The following THSD7A variants were observed in gnomAD, a reference collection of about 807,000 sequenced individuals.
THSD7A encodes thrombospondin type 1 domain containing 7A.
In THSD7A, 96 loss-of-function variants were observed where a neutral mutation model predicts 231.3. The observed-to-expected ratio is 0.41, with a 90% CI of 0.35 to 0.49. The LOEUF (loss-of-function observed/expected upper bound fraction) is 0.49. THSD7A is among the 20% of genes least tolerant of loss of function. The probability of loss-of-function intolerance (pLI) is 0.05; values close to 1 mark genes in which losing one functional copy is unlikely to be tolerated. For synonymous variants in THSD7A, 940 were observed against 743.3 expected (o/e 1.26, Z -4.30); for missense variants, 2,290 against 2,070.2 (o/e 1.11, Z -2.06).
chr7:11,543,050 A>G lies in THSD7A; in HGVS notation c.1521T>C (p.Ile507=). 6.2e-7 allele frequency: 1 copy of G among 1,613,928 alleles called. No individual in the cohort carries two copies. ...PIPNTTQLCH[I]PCPTECEVSP... Reference sequence around the variant, plus strand: ...AAACTTCACATTCAGTTGGACAAGGAATGTGGCACAGCTGTGTAGTATTAG... The same window carrying G: ...AAACTTCACATTCAGTTGGACAAGGGATGTGGCACAGCTGTGTAGTATTAG... The change falls in exon 5 of 28, where the codon ATT becomes ATC. Residue 507 remains isoleucine, a synonymous_variant. Coordinates refer to ENST00000423059, the MANE Select transcript of THSD7A (RefSeq NM_015204.3).
rs113989488 is a variant in THSD7A, at chr7:11,449,769, A to G, written c.2606-2345T>C. On this transcript the variant is annotated intron_variant, in intron 11 of 27. Transcript: ENST00000423059. ...GGAAGCAGGATTGACCCTTTCAGACACTCTAAACTTAGTAAGTGCCGATGG... is the reference window on the plus strand; with the variant it reads ...GGAAGCAGGATTGACCCTTTCAGACGCTCTAAACTTAGTAAGTGCCGATGG... Among the ~76,000 whole-genome samples the G allele has an allele frequency of 5.3e-3, 809 of 152,028 alleles. 6 individuals are homozygous for G. Among genetic ancestry groups the G allele is most frequent in the African/African-American group, 0.018 (766 of 41,498 alleles).
Position 11,768,413 on chromosome 7 carries a change from T to G in THSD7A, c.190+63344A>C, listed in dbSNP as rs111567609. 3.9e-3 allele frequency among the ~76,000 whole-genome samples: 591 copies of G among 152,288 alleles called. 2 individuals carry two copies. The highest frequency in any genetic ancestry group is 0.013 in the African/African-American group (556 of 41,558). ...TATATATAACAATTGGCATGCAATC[T>G]TTGTGGCAACATGGAGTCATTTAGA... On this transcript the variant is annotated intron_variant, in intron 1 of 27. Coordinates refer to ENST00000423059, the MANE Select transcript of THSD7A (RefSeq NM_015204.3).
intron 1 of THSD7A, among the ~76,000 whole-genome samples, chr7:11,704,099 C>A (rs959361782): frequency 6.6e-6 from 1 of 151,004 alleles, no homozygotes; most frequent in Non-Finnish European, 1.5e-5. Context: ...AACAAAGCAT[C>A]GAAAGTTCTC....
Position 11,756,592 on chromosome 7 carries a change from C to G in THSD7A, c.190+75165G>C, listed in dbSNP as rs967959546. Among the ~76,000 whole-genome samples, 4 of 147,630 alleles carry G rather than the reference C, an allele frequency of 2.7e-5. No homozygotes were observed. In the South Asian group the frequency reaches 8.5e-4, roughly 31 times the overall value. ...CGGGGACAGAAAGCAAATCACAGGA[C>G]AAGAAAAAAAAAATGTTCATTTAGT... On this transcript the variant is annotated intron_variant, in intron 1 of 27. Coordinates refer to ENST00000423059, the MANE Select transcript of THSD7A (RefSeq NM_015204.3).
chr7:11,493,351 A>G (rs943890974), intron 6 of THSD7A, among the ~76,000 whole-genome samples: 1 of 152,136 alleles, frequency 6.6e-6, no homozygotes, highest in Non-Finnish European at 1.5e-5. Context: ...AACAACGAGA[A>G]CAAAGATCTT....
At chr7:11,738,773 G>C (rs1583242732) in intron 1 of THSD7A, among the ~76,000 whole-genome samples, 2 of 151,978 alleles carry the variant, frequency 1.3e-5, no homozygotes, top group East Asian at 3.9e-4. Context: ...AGGTATGTAG[G>C]TGGCCTCTGG....
intron 6 of THSD7A, among the ~76,000 whole-genome samples, chr7:11,524,361 A>T (rs1026657897): frequency 6.6e-6 from 1 of 152,166 alleles, no homozygotes; most frequent in Non-Finnish European, 1.5e-5. Flanking sequence ...CTAGTACAAC[A>T]GAGCTTGGTA....
intron 1 of THSD7A, among the ~76,000 whole-genome samples, chr7:11,739,720 C>A (rs1044364718): frequency 6.6e-6 from 1 of 151,868 alleles, no homozygotes; most frequent in Admixed American, 6.6e-5. Flanking sequence ...AGCACCCAGC[C>A]TCATCATCAT....
At chr7:11,463,048 C>T (rs181822952) in intron 9 of THSD7A, among the ~76,000 whole-genome samples, 12 of 152,214 alleles carry the variant, frequency 7.9e-5, no homozygotes, top group Admixed American at 3.9e-4. Flanking sequence ...TAGAATCCTC[C>T]TGATGCATTT....
chr7:11,812,092 GAAGAA>G (rs1784543205), intron 1 of THSD7A, among the ~76,000 whole-genome samples: 1 of 148,006 alleles, frequency 6.8e-6, no homozygotes, highest in Non-Finnish European at 1.5e-5. Flanking sequence ...CTATAAAGGA[GAAGAA>G]AAGAAAATTG....
At chr7:11,436,187 A>G (rs1184395681) in intron 13 of THSD7A, among the ~76,000 whole-genome samples, 1 of 152,072 alleles carries the variant, frequency 6.6e-6, no homozygotes, top group Non-Finnish European at 1.5e-5. Context: ...GGGCTTTGTC[A>G]GGAATACAAA....
chr7:11,567,261 A>AC lies in THSD7A; in HGVS notation c.1453+23198dup, dbSNP rs200804726. On this transcript the variant is annotated intron_variant, in intron 4 of 27. Coordinates refer to ENST00000423059, the MANE Select transcript of THSD7A (RefSeq NM_015204.3). Reference sequence around the variant, plus strand: ...GTGGAAGGTGAAGAGGAAGCAAGACACTTCCCCCTCAAGGCAGCAGAAAAG... The same window carrying AC: ...GTGGAAGGTGAAGAGGAAGCAAGACACCTTCCCCCTCAAGGCAGCAGAAAAG... 2.9e-3 allele frequency among the ~76,000 whole-genome samples: 446 copies of AC among 151,692 alleles called. 5 individuals are homozygous for AC. Among genetic ancestry groups the AC allele is most frequent in the African/African-American group, 0.01 (415 of 41,358 alleles).
At chr7:11,568,267 G>C (rs181636779) in intron 4 of THSD7A, among the ~76,000 whole-genome samples, 143 of 152,240 alleles carry the variant, frequency 9.4e-4, no homozygotes, top group Admixed American at 2.0e-3. Context: ...ACGTATGTGG[G>C]ATGGGGAGTT....
At chr7:11,779,308 C>T (rs887802742) in intron 1 of THSD7A, among the ~76,000 whole-genome samples, 1 of 152,092 alleles carries the variant, frequency 6.6e-6, no homozygotes, top group East Asian at 1.9e-4. Flanking sequence ...CTATTTCTCT[C>T]CCTCACTCTT....
intron 4 of THSD7A, among the ~76,000 whole-genome samples, chr7:11,581,725 T>C (rs1791174524): frequency 6.6e-6 from 1 of 152,000 alleles, no homozygotes; most frequent in African/African-American, 2.4e-5. Flanking sequence ...TCTAAGAAAA[T>C]GTTCTATCAA....
At chr7:11,472,196 T>C (rs773041124) in intron 8 of THSD7A, among the ~76,000 whole-genome samples, 7 of 152,174 alleles carry the variant, frequency 4.6e-5, no homozygotes, top group Non-Finnish European at 1.0e-4. Context: ...AGGCTTCTTT[T>C]ATCCTTTGTA....
chr7:11,448,403 T>C (rs769505886), intron 11 of THSD7A, among the ~76,000 whole-genome samples: 72 of 152,136 alleles, frequency 4.7e-4, no homozygotes, highest in Non-Finnish European at 8.1e-4. Flanking sequence ...GATGAAACAT[T>C]AAACCTTGGT....
intron 1 of THSD7A, among the ~76,000 whole-genome samples, chr7:11,642,416 C>T (rs915646202): frequency 2.6e-5 from 4 of 152,090 alleles, no homozygotes; most frequent in African/African-American, 9.7e-5. Context: ...TGGATAATAT[C>T]CCCCTGTGAA....
intron 1 of THSD7A, among the ~76,000 whole-genome samples, chr7:11,705,283 CT>C (rs1388217814): frequency 6.6e-6 from 1 of 150,918 alleles, no homozygotes; most frequent in Non-Finnish European, 1.5e-5. Flanking sequence ...AGTTAAATAA[CT>C]TAAAAGCAAG....
Sources: gnomAD v4.1 joint callset for allele counts (sites outside exome capture counted in the v4.1 genomes callset) on GRCh38, gnomAD v4.1.1 for gene constraint, MANE v1.5 for transcripts, NCBI Gene and HGNC (gene_info 2026-07-23, HGNC 2026-07-21) for gene names.